The following BNC2 variants were observed in gnomAD, a reference collection of about 807,000 sequenced individuals.
The protein encoded by BNC2 is zinc finger protein basonuclin-2.
BNC2 carries 20 observed loss-of-function variants against 76.3 expected under a neutral mutation model. That is an observed-to-expected ratio of 0.26 (90% CI 0.18 to 0.38). The LOEUF is 0.38. Among genes scored for constraint, BNC2 ranks in the 10% least tolerant of loss-of-function variants. BNC2 has a pLI of 1.00. For missense variants in BNC2, 1,382 were observed against 1,399.8 expected, an observed-to-expected ratio of 0.99 and a Z score of 0.20; for synonymous variants, 582 against 514.8, an observed-to-expected ratio of 1.13 and a Z score of -1.77.
At position 16,436,754 on chromosome 9, in the gene BNC2, A is replaced by G. The variant is rs780560098; in HGVS notation, c.1440T>C (p.Phe480=). 2.4e-5 allele frequency: 39 copies of G among 1,614,032 alleles called. No homozygotes were observed. The highest frequency in any genetic ancestry group is 3.2e-5 in the Non-Finnish European group (38 of 1,180,034). Residue 480 remains phenylalanine, a synonymous_variant, in exon 6 of 7, where the codon TTT becomes TTC. Transcript: ENST00000380672. Reference sequence around the variant, plus strand: ...GGCGATTACGACTTCGGAGGGAGCTAAAGACCATGTTGCAACCTTCAATGG... The same window carrying G: ...GGCGATTACGACTTCGGAGGGAGCTGAAGACCATGTTGCAACCTTCAATGG... ...RCTIEGCNMV[F]SSLRSRNRHS... is the part of the protein sequence containing the mutation.
intron 1 of BNC2, among the ~76,000 whole-genome samples, chr9:16,814,712 T>C (rs1371187192): frequency 6.6e-6 from 1 of 152,194 alleles, no homozygotes; most frequent in South Asian, 2.1e-4. Flanking sequence ...AGGATTACTG[T>C]TGGGAAGAGA....
At chr9:16,769,709 T>A (rs1464261929) in intron 1 of BNC2, among the ~76,000 whole-genome samples, 1 of 152,186 alleles carries the variant, frequency 6.6e-6, no homozygotes, top group Non-Finnish European at 1.5e-5. Context: ...GCCAGCTTAA[T>A]GTAAAGAGCA....
At chr9:16,838,381 C>CAGGCCTGG (rs1818753907) in intron 1 of BNC2, among the ~76,000 whole-genome samples, 1 of 152,056 alleles carries the variant, frequency 6.6e-6, no homozygotes, top group Non-Finnish European at 1.5e-5. Context: ...ATGGAGAAAC[C>CAGGCCTGG]CCATCTCTAC....
intron 3 of BNC2, among the ~76,000 whole-genome samples, chr9:16,638,788 T>C (rs995352914): frequency 6.6e-6 from 1 of 152,202 alleles, no homozygotes; most frequent in African/African-American, 2.4e-5. Flanking sequence ...CTTCTCTCCA[T>C]TTATTTTAAA....
At chr9:16,554,754 T>C (rs1013691250) in intron 4 of BNC2, among the ~76,000 whole-genome samples, 1 of 152,168 alleles carries the variant, frequency 6.6e-6, no homozygotes, top group Admixed American at 6.5e-5. Flanking sequence ...GATCTGCTCC[T>C]CCTCCATTTC....
chr9:16,518,992 C>T (rs778343805), intron 5 of BNC2, among the ~76,000 whole-genome samples: 1 of 152,196 alleles, frequency 6.6e-6, no homozygotes, highest in Non-Finnish European at 1.5e-5. Flanking sequence ...AGTGTGTTAT[C>T]AGCATGTCTC....
intron 5 of BNC2, among the ~76,000 whole-genome samples, chr9:16,483,476 C>G (rs1822100689): frequency 6.6e-6 from 1 of 152,076 alleles, no homozygotes; most frequent in South Asian, 2.1e-4. Flanking sequence ...CCAGGTTTCC[C>G]AAAATTTTGG....
intron 4 of BNC2, among the ~76,000 whole-genome samples, chr9:16,580,867 A>T (rs1325303175): frequency 6.6e-6 from 1 of 152,216 alleles, no homozygotes; most frequent in African/African-American, 2.4e-5. Flanking sequence ...ATAAGACTGT[A>T]AAGTAGGAAC....
At chr9:16,447,272 T>C (rs1047698378) in intron 5 of BNC2, among the ~76,000 whole-genome samples, 1 of 152,110 alleles carries the variant, frequency 6.6e-6, no homozygotes, top group African/African-American at 2.4e-5. Context: ...TTTTGTATCT[T>C]GATTAGGCTA....
At chr9:16,669,209 A>G (rs1822398841) in intron 3 of BNC2, among the ~76,000 whole-genome samples, 1 of 152,230 alleles carries the variant, frequency 6.6e-6, no homozygotes, top group Non-Finnish European at 1.5e-5. Context: ...ATGGAAAGCA[A>G]CTGCCATATA....
intron 3 of BNC2, among the ~76,000 whole-genome samples, chr9:16,698,445 C>G (rs1038102816): frequency 6.6e-6 from 1 of 152,178 alleles, no homozygotes; most frequent in African/African-American, 2.4e-5. Flanking sequence ...AATCCCAGCA[C>G]TTTGGGAAGC....
At chr9:16,463,192 TTGAA>T (rs1821622440) in intron 5 of BNC2, among the ~76,000 whole-genome samples, 1 of 152,064 alleles carries the variant, frequency 6.6e-6, no homozygotes. Context: ...TTTCAGGAGA[TTGAA>T]TGAGAGTGAA....
intron 4 of BNC2, among the ~76,000 whole-genome samples, chr9:16,582,640 G>A (rs754520017): frequency 2.0e-5 from 3 of 152,152 alleles, no homozygotes; most frequent in Non-Finnish European, 4.4e-5. Context: ...TCCCTCTGAG[G>A]TCCAGGCCCT....
chr9:16,863,050 G>A (rs1459332662), intron 1 of BNC2, among the ~76,000 whole-genome samples: 2 of 151,880 alleles, frequency 1.3e-5, no homozygotes, highest in African/African-American at 2.4e-5. Flanking sequence ...GAGTAGCTGG[G>A]ATTATAGGTG....
intron 5 of BNC2, among the ~76,000 whole-genome samples, chr9:16,458,759 T>C (rs144657057): frequency 1.7e-3 from 258 of 152,348 alleles, no homozygotes; most frequent in African/African-American, 6.0e-3. Context: ...TAACAACTAC[T>C]GTTTACTAAG....
In BNC2 at chr9:16,796,925, A is replaced by G. The variant is rs116996265; in HGVS notation, c.4-58440T>C. On this transcript the variant is annotated intron_variant, in intron 1 of 6. Coordinates refer to ENST00000380672, the MANE Select transcript of BNC2 (RefSeq NM_017637.6). ...TTCCTTAAATTGTCGCAAGTTGAAC[A>G]CTTGCTTCAGTCTGTTAGCAAAAGT... is the stretch of plus-strand genomic sequence containing the variant. Among the ~76,000 whole-genome samples, 674 of 152,302 alleles carry G rather than the reference A, an allele frequency of 4.4e-3. 7 individuals carry two copies. Among genetic ancestry groups the G allele is most frequent in the Non-Finnish European group, 7.1e-3 (480 of 68,018 alleles).
chr9:16,749,823 G>T (rs754226998), intron 1 of BNC2, among the ~76,000 whole-genome samples: 3 of 152,178 alleles, frequency 2.0e-5, no homozygotes, highest in Admixed American at 1.3e-4. Context: ...TAGAGGCCTT[G>T]AAATTTGGAC....
At chr9:16,451,022 A>G (rs1033139875) in intron 5 of BNC2, among the ~76,000 whole-genome samples, 1 of 151,710 alleles carries the variant, frequency 6.6e-6, no homozygotes, top group Non-Finnish European at 1.5e-5. Context: ...TAGGCTATCT[A>G]TGGATGTACA....
intron 3 of BNC2, among the ~76,000 whole-genome samples, chr9:16,673,265 T>C (rs1262396012): frequency 6.6e-6 from 1 of 152,266 alleles, no homozygotes. Context: ...TTCTCTTTAT[T>C]TGAGACCCAG....
Sources: allele counts gnomAD v4.1 joint callset (sites outside exome capture counted in the v4.1 genomes callset), GRCh38; gene constraint gnomAD v4.1.1; transcripts MANE v1.5; gene names NCBI Gene and HGNC (gene_info 2026-07-23, HGNC 2026-07-21).